The following GRIP1 variants were observed in gnomAD, a reference collection of about 807,000 sequenced individuals.
GRIP1 encodes glutamate receptor interacting protein 1.
In GRIP1, 45 loss-of-function variants were observed where a neutral mutation model predicts 129.9. The observed-to-expected ratio is 0.35, with a 90% CI of 0.27 to 0.44. GRIP1 has a LOEUF of 0.44. Among genes scored for constraint, GRIP1 ranks in the 20% least tolerant of loss-of-function variants. The probability of loss-of-function intolerance (pLI) is 1.00; values close to 1 mark genes in which losing one functional copy is unlikely to be tolerated. For missense variants in GRIP1, 1,196 were observed against 1,396.8 expected, an observed-to-expected ratio of 0.86 and a Z score of 2.29; for synonymous variants, 530 against 520.8, an observed-to-expected ratio of 1.02 and a Z score of -0.24.
At chr12:67,027,700 G>T (rs2042960134) in intron 1 of GRIP1, among the ~76,000 whole-genome samples, 1 of 152,128 alleles carries the variant, frequency 6.6e-6, no homozygotes, top group Non-Finnish European at 1.5e-5. Context: ...TAGAAAAGAG[G>T]GGCAAGAAGA....
intron 23 of GRIP1, among the ~76,000 whole-genome samples, chr12:66,355,148 G>A (rs7962148): frequency 0.025 from 3,758 of 152,184 alleles, 168 homozygotes; most frequent in African/African-American, 0.084. Context: ...ACCCCAGACC[G>A]ACTGAGAATC....
chr12:66,521,133 C>A (rs1283415976), intron 5 of GRIP1, among the ~76,000 whole-genome samples: 1 of 152,206 alleles, frequency 6.6e-6, no homozygotes, highest in African/African-American at 2.4e-5. Context: ...ATCCTCTCTA[C>A]TACTCACTTG....
intron 1 of GRIP1, among the ~76,000 whole-genome samples, chr12:66,834,289 T>C (rs1374126133): frequency 1.3e-5 from 2 of 151,886 alleles, no homozygotes; most frequent in Non-Finnish European, 2.9e-5. Context: ...GACATTACCT[T>C]CCCACGTGTT....
At chr12:66,909,598 T>C (rs1175067531) in intron 1 of GRIP1, among the ~76,000 whole-genome samples, 2 of 152,210 alleles carry the variant, frequency 1.3e-5, no homozygotes, top group Non-Finnish European at 2.9e-5. Context: ...TTATAGCCAA[T>C]TAGAATTTAC....
At chr12:66,496,272 G>A (rs2060236983) in intron 7 of GRIP1, among the ~76,000 whole-genome samples, 1 of 152,166 alleles carries the variant, frequency 6.6e-6, no homozygotes, top group African/African-American at 2.4e-5. Flanking sequence ...GTGGAAGATA[G>A]GGGATATGGC....
intron 2 of GRIP1, among the ~76,000 whole-genome samples, chr12:66,593,480 AAAT>A (rs1252218944): frequency 6.6e-6 from 1 of 152,216 alleles, no homozygotes; most frequent in Non-Finnish European, 1.5e-5. Context: ...TTAGTCATGG[AAAT>A]AGTAGAGTCT....
At chr12:66,717,190 A>T (rs2035916038) in intron 1 of GRIP1, among the ~76,000 whole-genome samples, 1 of 152,116 alleles carries the variant, frequency 6.6e-6, no homozygotes. Context: ...GAAGAACAAC[A>T]ACTTATGGCA....
At chr12:66,636,715 C>CTGTGTGTGTGTGTGTG (rs113361426) in intron 1 of GRIP1, among the ~76,000 whole-genome samples, 7 of 145,212 alleles carry the variant, frequency 4.8e-5, no homozygotes, top group African/African-American at 7.7e-5. Flanking sequence ...CATTAGATCT[C>CTGTGTGTGTGTGTGTG]TGTGTGTGTG....
intron 1 of GRIP1, among the ~76,000 whole-genome samples, chr12:66,781,752 T>C (rs532379480): frequency 1.6e-4 from 24 of 152,294 alleles, no homozygotes; most frequent in Admixed American, 1.1e-3. Flanking sequence ...GAAAGCTGTA[T>C]AACTTAATTC....
At chr12:66,477,039 A>T (rs1373523026) in intron 7 of GRIP1, among the ~76,000 whole-genome samples, 28 of 152,240 alleles carry the variant, frequency 1.8e-4, no homozygotes, top group Non-Finnish European at 1.5e-5. Context: ...GCAATCAGAC[A>T]GGAGAAATAA....
intron 1 of GRIP1, among the ~76,000 whole-genome samples, chr12:66,813,499 G>T (rs1476356666): frequency 6.6e-6 from 1 of 152,160 alleles, no homozygotes; most frequent in Non-Finnish European, 1.5e-5. Flanking sequence ...AATTTCCAAT[G>T]GTGAGAAGTG....
intron 1 of GRIP1, among the ~76,000 whole-genome samples, chr12:66,766,451 C>T (rs191421606): frequency 4.6e-5 from 7 of 152,206 alleles, no homozygotes; most frequent in Non-Finnish European, 1.0e-4. Flanking sequence ...TTCATTAAAG[C>T]ATTTGTCACA....
chr12:66,580,591 A>G (rs1171437680), intron 2 of GRIP1, among the ~76,000 whole-genome samples: 1 of 149,326 alleles, frequency 6.7e-6, no homozygotes, highest in Non-Finnish European at 1.5e-5. Context: ...AAACAAAAAA[A>G]GGCAGGGGTT....
intron 23 of GRIP1, among the ~76,000 whole-genome samples, chr12:66,369,078 G>C (rs2055320919): frequency 6.6e-6 from 1 of 152,170 alleles, no homozygotes; most frequent in South Asian, 2.1e-4. Context: ...TTATTTTTTA[G>C]AGCCTTATTT....
intron 7 of GRIP1, among the ~76,000 whole-genome samples, chr12:66,493,336 T>C (rs1169501879): frequency 6.6e-6 from 1 of 152,198 alleles, no homozygotes; most frequent in Non-Finnish European, 1.5e-5. Flanking sequence ...TCCAAGTAAA[T>C]GATGCTAATA....
chr12:66,801,439 T>C (rs2038856094), intron 1 of GRIP1, among the ~76,000 whole-genome samples: 2 of 152,134 alleles, frequency 1.3e-5, no homozygotes, highest in South Asian at 4.1e-4. Context: ...AGTCATCTAT[T>C]ATTAAAATAA....
intron 1 of GRIP1, among the ~76,000 whole-genome samples, chr12:66,873,350 G>GT (rs1025332470): frequency 1.1e-4 from 17 of 152,174 alleles, no homozygotes; most frequent in African/African-American, 3.9e-4. Context: ...GAGAGATACT[G>GT]TTCCATCCAT....
At position 66,930,280 on chromosome 12, in the gene GRIP1, C is replaced by T. The variant is rs368200218; in HGVS notation, c.58+138770G>A. On this transcript the variant is annotated intron_variant, in intron 1 of 1. Coordinates refer to the GRIP1 transcript ENST00000643019. ...CCTCCCCCCACCCCACAACAGTCCC[C>T]AGAGTGTGATGTTCCCCTTCCTGTG... 3.9e-5 allele frequency among the ~76,000 whole-genome samples: 5 copies of T among 129,074 alleles called. No homozygotes were observed. The South Asian group carries it at 1.2e-3, about 30-fold the overall frequency. 84.7% of individuals were successfully genotyped at this position (129,074 alleles called of 152,430 possible).
At chr12:66,754,388 A>C (rs2037219619) in intron 1 of GRIP1, among the ~76,000 whole-genome samples, 1 of 152,206 alleles carries the variant, frequency 6.6e-6, no homozygotes. Flanking sequence ...AAAAGCTGCA[A>C]CACACACCGC....
Sources: allele counts gnomAD v4.1 joint callset (sites outside exome capture counted in the v4.1 genomes callset), GRCh38; gene constraint gnomAD v4.1.1; transcripts MANE v1.5; gene names NCBI Gene and HGNC (gene_info 2026-07-23, HGNC 2026-07-21).